OTOP1: variants seen among roughly 807,000 people sequenced by gnomAD.
OTOP1 encodes the protein proton channel OTOP1.
OTOP1 carries 59 observed loss-of-function variants against 52.9 expected under a neutral mutation model. That is an observed-to-expected ratio of 1.12 (90% CI 0.91 to 1.39). OTOP1 has a LOEUF of 1.39. OTOP1 is among the 40% of genes most tolerant of loss of function. The probability of loss-of-function intolerance (pLI) is 0.00; values close to 1 mark genes in which losing one functional copy is unlikely to be tolerated. For synonymous variants in OTOP1, 317 were observed against 337.7 expected, an observed-to-expected ratio of 0.94 and a Z score of 0.67; for missense variants, 761 against 800.9, an observed-to-expected ratio of 0.95 and a Z score of 0.60.
At position 4,222,522 on chromosome 4, in the gene OTOP1, C is replaced by T. The variant is rs527569960; in HGVS notation, c.403+3940G>A. On this transcript the variant is annotated intron_variant, in intron 1 of 5. Coordinates refer to ENST00000296358, the MANE Select transcript of OTOP1 (RefSeq NM_177998.3). ...TTTCCTTTCCAATGAAAGCCAAGCCCGCATCTGATTTTTTGGCAGCCACAT... is the reference window on the plus strand; with the variant it reads ...TTTCCTTTCCAATGAAAGCCAAGCCTGCATCTGATTTTTTGGCAGCCACAT... 2.0e-3 allele frequency among the ~76,000 whole-genome samples: 302 copies of T among 152,234 alleles called. 3 individuals carry two copies. Among genetic ancestry groups the T allele is most frequent in the African/African-American group, 7.1e-3 (293 of 41,538 alleles).
intron 1 of OTOP1, among the ~76,000 whole-genome samples, chr4:4,213,806 T>C (rs1212905666): frequency 6.6e-6 from 1 of 152,096 alleles, no homozygotes; most frequent in East Asian, 1.9e-4. Context: ...TTAACAACAA[T>C]GGGTTGGGCA....
chr4:4,202,049 T>G (rs1397579048), intron 4 of OTOP1, among the ~76,000 whole-genome samples: 1 of 152,200 alleles, frequency 6.6e-6, no homozygotes, highest in Admixed American at 6.5e-5. Flanking sequence ...TAGACTCCTA[T>G]GAATTTTTAA....
At chr4:4,218,597 G>A (rs1199386262) in intron 1 of OTOP1, among the ~76,000 whole-genome samples, 1 of 152,154 alleles carries the variant, frequency 6.6e-6, no homozygotes, top group Non-Finnish European at 1.5e-5. Context: ...GTGGCTCACT[G>A]AGGGAAATGT....
At chr4:4,195,517 C>A (rs1046670312) in intron 5 of OTOP1, among the ~76,000 whole-genome samples, 5 of 152,168 alleles carry the variant, frequency 3.3e-5, no homozygotes, top group African/African-American at 9.7e-5. Flanking sequence ...TGTCTTGAAC[C>A]CAGATGTGAT....
intron 5 of OTOP1, among the ~76,000 whole-genome samples, chr4:4,194,681 G>A (rs570316136): frequency 1.8e-4 from 28 of 152,334 alleles, no homozygotes; most frequent in African/African-American, 6.3e-4. Context: ...AGCTGCTAGG[G>A]CAACAGAGAG....
Position 4,197,905 on chromosome 4 carries a change from C to T in OTOP1, c.929G>A (p.Gly310Glu). The change falls in exon 5 of 6, where the codon GGG becomes GAG. Residue 310 changes from glycine to glutamate, a missense_variant. This residue lies in a region of OTOP1 where 632 missense variants were observed against 619.5 expected (regional missense o/e 1.02). Coordinates refer to ENST00000296358, the MANE Select transcript of OTOP1 (RefSeq NM_177998.3). ...QHQKMQFKSD[G>E]VMVGAVLGLT... is the part of the protein sequence containing the mutation. Reference sequence around the variant, plus strand: ...GCCCAGGACTGCGCCCACCATGACCCCATCAGACTTGAACTGCATCTTCTG... The same window carrying T: ...GCCCAGGACTGCGCCCACCATGACCTCATCAGACTTGAACTGCATCTTCTG... 2 of 1,614,100 alleles carry T rather than the reference C, an allele frequency of 1.2e-6. No homozygotes were observed. Among genetic ancestry groups the T allele is most frequent in the Non-Finnish European group, 1.7e-6 (2 of 1,180,006 alleles).
intron 5 of OTOP1, among the ~76,000 whole-genome samples, chr4:4,193,406 T>C (rs1366375968): frequency 1.3e-5 from 2 of 152,188 alleles, no homozygotes; most frequent in Non-Finnish European, 2.9e-5. Context: ...TCAACTAACA[T>C]TTCCATGTCC....
At chr4:4,195,146 G>A (rs550493102) in intron 5 of OTOP1, among the ~76,000 whole-genome samples, 2 of 152,302 alleles carry the variant, frequency 1.3e-5, no homozygotes, top group East Asian at 3.9e-4. Context: ...GCTCAAGCCA[G>A]AGTCCACCTA....
chr4:4,215,889 G>A (rs1180577897), intron 1 of OTOP1, among the ~76,000 whole-genome samples: 2 of 152,048 alleles, frequency 1.3e-5, no homozygotes, highest in African/African-American at 4.8e-5. Context: ...CACCTCCTGG[G>A]TTCAAGTGAT....
At position 4,197,860 on chromosome 4, in the gene OTOP1, G is replaced by A; in HGVS notation, c.974C>T (p.Thr325Ile). 6.2e-7 allele frequency: 1 copy of A among 1,614,042 alleles called. No individual in the cohort carries two copies. Among genetic ancestry groups the A allele is most frequent in the South Asian group, 1.1e-5 (1 of 91,038 alleles). The change falls in exon 5 of 6, where the codon ACC becomes ATC. Residue 325 changes from threonine to isoleucine, a missense_variant. Transcript: ENST00000296358. The part of the protein sequence containing the change: ...AVLGLTVLAA[T>I]IAVVVVYLIH... ...CAGGTATACCACCACCACAGCAATG[G>A]TGGCGGCCAGCACGGTCAGGCCCAG...
At chr4:4,219,499 A>G (rs1216517769) in intron 1 of OTOP1, among the ~76,000 whole-genome samples, 3 of 152,036 alleles carry the variant, frequency 2.0e-5, no homozygotes, top group Admixed American at 6.6e-5. Context: ...CGGGAGATCG[A>G]GACCATCCTG....
Position 4,222,203 on chromosome 4 carries a change from C to T in OTOP1, c.403+4259G>A, listed in dbSNP as rs1210905996. On this transcript the variant is annotated intron_variant, in intron 1 of 5. Coordinates refer to ENST00000296358, the MANE Select transcript of OTOP1 (RefSeq NM_177998.3). ...CAACAGTCACTGAATAATACAATCT[C>T]CTGCTTGATTAGTGCTAGAAAGAAA... 3.9e-5 allele frequency among the ~76,000 whole-genome samples: 6 copies of T among 152,138 alleles called. No homozygotes were observed. The East Asian group carries it at 1.2e-3, about 30-fold the overall frequency.
At chr4:4,223,757 T>G (rs376651147) in intron 1 of OTOP1, among the ~76,000 whole-genome samples, 1 of 151,828 alleles carries the variant, frequency 6.6e-6, no homozygotes, top group East Asian at 2.0e-4. Context: ...AAAAATTAGC[T>G]GGGTGTGGTG....
chr4:4,222,840 C>G (rs1374516701), intron 1 of OTOP1, among the ~76,000 whole-genome samples: 1 of 152,198 alleles, frequency 6.6e-6, no homozygotes, highest in Non-Finnish European at 1.5e-5. Context: ...AAGGTGCTTC[C>G]TTTTGGCACC....
At chr4:4,201,614 T>C (rs1716790553) in intron 4 of OTOP1, among the ~76,000 whole-genome samples, 2 of 152,008 alleles carry the variant, frequency 1.3e-5, no homozygotes, top group South Asian at 4.2e-4. Context: ...TCCACCCCAC[T>C]GATGATGAAA....
chr4:4,199,830 C>T (rs1282461516), intron 4 of OTOP1, among the ~76,000 whole-genome samples: 1 of 152,168 alleles, frequency 6.6e-6, no homozygotes, highest in Non-Finnish European at 1.5e-5. Context: ...GCTGTAAAAT[C>T]AGGTAGCGAC....
intron 1 of OTOP1, among the ~76,000 whole-genome samples, chr4:4,221,255 A>T (rs1230022142): frequency 6.6e-6 from 1 of 151,512 alleles, no homozygotes; most frequent in African/African-American, 2.4e-5. Flanking sequence ...TGTCTCTACA[A>T]AAATCAATTT....
chr4:4,194,318 A>C (rs7682186), intron 5 of OTOP1, among the ~76,000 whole-genome samples: 114,238 of 151,844 alleles, frequency 0.75, 43,226 homozygotes, highest in South Asian at 0.87. Context: ...ATGCAGCCGA[A>C]TAGTATCTAT....
At chr4:4,196,084 C>G (rs1193920976) in intron 5 of OTOP1, among the ~76,000 whole-genome samples, 1 of 152,126 alleles carries the variant, frequency 6.6e-6, no homozygotes, top group Non-Finnish European at 1.5e-5. Context: ...TTTAAAAAGG[C>G]AAGAGAAACC....
Sources: allele counts gnomAD v4.1 joint callset (sites outside exome capture counted in the v4.1 genomes callset), GRCh38; gene constraint gnomAD v4.1.1; regional missense constraint gnomAD v4.1.1; transcripts MANE v1.5; gene names NCBI Gene and HGNC (gene_info 2026-07-23, HGNC 2026-07-21).